Variants in FAM81B observed in about 807,000 individuals in gnomAD.
FAM81B encodes the protein family with sequence similarity 81 member B, also known as protein FAM81B.
Under a neutral mutation model 58.7 loss-of-function variants are expected in FAM81B, and 60 were observed. That is an observed-to-expected ratio of 1.02 (90% CI 0.83 to 1.27). The LOEUF (loss-of-function observed/expected upper bound fraction) is 1.27. FAM81B is among the 50% of genes most tolerant of loss of function. FAM81B has a pLI of 0.00. For missense variants in FAM81B, 491 were observed against 522.0 expected (o/e 0.94, Z 0.58); for synonymous variants, 189 against 179.6 (o/e 1.05, Z -0.42).
chr5:95,447,434 C>T (rs1177545741), intron 8 of FAM81B, among the ~76,000 whole-genome samples: 1 of 152,200 alleles, frequency 6.6e-6, no homozygotes, highest in Non-Finnish European at 1.5e-5. Flanking sequence ...AAACATAAAG[C>T]TTTATCACTG....
intron 3 of FAM81B, among the ~76,000 whole-genome samples, chr5:95,405,393 A>AT (rs905538721): frequency 1.3e-5 from 2 of 151,596 alleles, no homozygotes; most frequent in East Asian, 1.9e-4. Flanking sequence ...TTCTTTAGCT[A>AT]TTTTTTCTGT....
At chr5:95,414,211 T>C in intron 4 of FAM81B, 21 bp downstream of exon 4, 1 of 1,586,982 alleles carries the variant, frequency 6.3e-7, no homozygotes, top group South Asian at 1.2e-5. Flanking sequence ...TTTTGTTTTA[T>C]TTTGTTTTTG....
chr5:95,437,418 T>G (rs1745149007), intron 7 of FAM81B, among the ~76,000 whole-genome samples: 2 of 152,164 alleles, frequency 1.3e-5, no homozygotes, highest in Admixed American at 6.5e-5. Flanking sequence ...CGTCTCTGCT[T>G]ACTGCAAGCT....
At chr5:95,394,514 T>C (rs149371595) in intron 2 of FAM81B, among the ~76,000 whole-genome samples, 53 of 152,330 alleles carry the variant, frequency 3.5e-4, no homozygotes, top group Non-Finnish European at 6.3e-4. Context: ...GACTCAGTAC[T>C]GTTTCAGTGG....
At chr5:95,395,379 C>T (rs970535948) in intron 2 of FAM81B, among the ~76,000 whole-genome samples, 2 of 140,582 alleles carry the variant, frequency 1.4e-5, no homozygotes, top group African/African-American at 2.7e-5. Flanking sequence ...GGAGGCGGAG[C>T]TTGCAGTGAG....
At chr5:95,432,631 A>G (rs541795837) in intron 6 of FAM81B, among the ~76,000 whole-genome samples, 92 of 151,936 alleles carry the variant, frequency 6.1e-4, no homozygotes, top group African/African-American at 2.1e-3. Flanking sequence ...GCTTCTATAA[A>G]TTACTTTTTC....
At chr5:95,407,288 A>ACACACG (rs1367706540) in intron 3 of FAM81B, among the ~76,000 whole-genome samples, 1 of 144,510 alleles carries the variant, frequency 6.9e-6, no homozygotes, top group Non-Finnish European at 1.6e-5. Flanking sequence ...ACACACACAC[A>ACACACG]CACACGCACA....
At chr5:95,426,130 A>G (rs1762825149) in intron 5 of FAM81B, among the ~76,000 whole-genome samples, 1 of 145,484 alleles carries the variant, frequency 6.9e-6, no homozygotes, top group African/African-American at 2.5e-5. Context: ...ATATGTACAC[A>G]TATATTTTAA....
intron 1 of FAM81B, 58 bp downstream of exon 1, chr5:95,391,571 TTTC>T (rs1761818317): frequency 1.9e-6 from 3 of 1,540,512 alleles, no homozygotes; most frequent in Non-Finnish European, 8.7e-7. Context: ...CTTTCTTCTG[TTTC>T]TTATTACATA....
intron 7 of FAM81B, among the ~76,000 whole-genome samples, chr5:95,444,804 C>A (rs1430529270): frequency 6.6e-6 from 1 of 152,062 alleles, no homozygotes; most frequent in East Asian, 1.9e-4. Context: ...CTTACATTTC[C>A]CATTCCTTGG....
intron 7 of FAM81B, 49 bp downstream of exon 7, chr5:95,436,955 T>C: frequency 6.9e-7 from 1 of 1,454,288 alleles, no homozygotes; most frequent in Non-Finnish European, 9.6e-7. Context: ...TCCAAAGAGT[T>C]TTGCCTAATG....
intron 3 of FAM81B, among the ~76,000 whole-genome samples, chr5:95,410,035 G>T (rs934080606): frequency 2.0e-5 from 3 of 152,158 alleles, no homozygotes; most frequent in Non-Finnish European, 4.4e-5. Context: ...GGTATAAGAG[G>T]TGGCTATATG....
chr5:95,445,301 T>C (rs1745514272), intron 7 of FAM81B, among the ~76,000 whole-genome samples: 1 of 152,210 alleles, frequency 6.6e-6, no homozygotes, highest in African/African-American at 2.4e-5. Context: ...TAACAAACAT[T>C]GTTCTTGCCA....
chr5:95,414,201 TTTTG>T lies in FAM81B; in HGVS notation c.537+15_537+18del, dbSNP rs772222105. 5.0e-6 allele frequency: 8 copies of T among 1,590,938 alleles called. No individual in the cohort carries two copies. The highest frequency in any genetic ancestry group is 6.0e-6 in the Non-Finnish European group (7 of 1,169,996). ...AGCCAAAATATTGAGGTAGTTCTCTTTTTGTTTTATTTTGTTTTTGTTTTGTATT... is the reference window on the plus strand; with the variant it reads ...AGCCAAAATATTGAGGTAGTTCTCTTTTTTATTTTGTTTTTGTTTTGTATT... On this transcript the variant is annotated intron_variant, in intron 4 of 9. Transcript: ENST00000283357.
At chr5:95,437,504 C>T (rs1301814985) in intron 7 of FAM81B, among the ~76,000 whole-genome samples, 1 of 152,190 alleles carries the variant, frequency 6.6e-6, no homozygotes, top group Non-Finnish European at 1.5e-5. Flanking sequence ...ACCACGACAC[C>T]TAATTTTGTA....
At chr5:95,398,030 C>T (rs184744249) in intron 3 of FAM81B, among the ~76,000 whole-genome samples, 169 of 152,262 alleles carry the variant, frequency 1.1e-3, no homozygotes, top group African/African-American at 3.9e-3. Flanking sequence ...ACTGGAAAAG[C>T]AAAATGGCAT....
At chr5:95,407,713 C>A (rs928823824) in intron 3 of FAM81B, among the ~76,000 whole-genome samples, 6 of 152,224 alleles carry the variant, frequency 3.9e-5, no homozygotes, top group African/African-American at 1.4e-4. Flanking sequence ...CTCCTTCAGG[C>A]TCATTTCCAA....
At chr5:95,405,770 G>A (rs1762228545) in intron 3 of FAM81B, among the ~76,000 whole-genome samples, 1 of 152,130 alleles carries the variant, frequency 6.6e-6, no homozygotes, top group South Asian at 2.1e-4. Flanking sequence ...ATGAGCCCCA[G>A]GCACCAGAAA....
intron 7 of FAM81B, 61 bp from the exon 8 acceptor site, chr5:95,446,501 A>ATAC (rs1745563591): frequency 7.0e-7 from 1 of 1,433,218 alleles, no homozygotes; most frequent in Non-Finnish European, 9.3e-7. Flanking sequence ...GACTTTTTCA[A>ATAC]TACTAATTTT....
Sources: gnomAD v4.1 joint callset for allele counts (sites outside exome capture counted in the v4.1 genomes callset) on GRCh38, gnomAD v4.1.1 for gene constraint, MANE v1.5 for transcripts, NCBI Gene and HGNC (gene_info 2026-07-23, HGNC 2026-07-21) for gene names.